LINC00632: variants seen among roughly 807,000 people sequenced by gnomAD.
LINC00632 encodes the protein long independently transcribed non-coding RNA 632, also known as ALDOA related specific transcript.
At chrX:140,769,952 C>G (rs1488807571) in intron 3 of LINC00632, among the ~76,000 whole-genome samples, 1 of 111,808 alleles carries the variant, frequency 8.9e-6, no homozygotes, top group East Asian at 2.8e-4. Flanking sequence ...CAGTTACCGT[C>G]AAGGCATTCC....
At chrX:140,760,298 G>A (rs968763474) in intron 3 of LINC00632, among the ~76,000 whole-genome samples, 1 of 111,787 alleles carries the variant, frequency 8.9e-6, no homozygotes, top group Non-Finnish European at 1.9e-5. Flanking sequence ...AGAAAATGCC[G>A]AGTGCCCTAC....
At chrX:140,743,983 G>A (rs1931283015) in intron 3 of LINC00632, among the ~76,000 whole-genome samples, 1 of 111,828 alleles carries the variant, frequency 8.9e-6, no homozygotes, top group Non-Finnish European at 1.9e-5. Context: ...GCTGTTTCCT[G>A]GCTAAAATGA....
chrX:140,715,655 A>C (rs1203220944), intron 2 of LINC00632, among the ~76,000 whole-genome samples: 1 of 111,709 alleles, frequency 9.0e-6, no homozygotes, highest in African/African-American at 3.3e-5. Context: ...CACTTCTTAT[A>C]GTGCCTATAC....
chrX:140,754,853 G>T lies in LINC00632; in HGVS notation n.192-17225G>T, dbSNP rs1014265880. Among the ~76,000 whole-genome samples, 4 of 104,691 alleles carry T rather than the reference G, an allele frequency of 3.8e-5. No homozygotes were observed. In the East Asian group the frequency reaches 1.3e-3, roughly 34 times the overall value. 90.9% of individuals were successfully genotyped at this position (104,691 alleles called of 115,157 possible). ...GATAGCATAGGCTGTTTTTTTTTTA[G>T]CCTCACCCTCAAATTTTGGGGTTCA... is the stretch of plus-strand genomic sequence containing the variant. On this transcript the variant is annotated intron_variant and non_coding_transcript_variant, in intron 3 of 4. Transcript: ENST00000648200.
chrX:140,752,865 A>G (rs1000535176), intron 3 of LINC00632, among the ~76,000 whole-genome samples: 19 of 111,576 alleles, frequency 1.7e-4, no homozygotes, highest in African/African-American at 5.9e-4. Flanking sequence ...CCCTTTAGCC[A>G]TCTCATGCTT....
exon 5 of LINC00632, among the ~76,000 whole-genome samples, chrX:140,788,865 T>C (rs951990006): frequency 1.2e-5 from 1 of 83,910 alleles, no homozygotes; most frequent in Non-Finnish European, 2.6e-5. Flanking sequence ...CATATATGCA[T>C]ATTCCATATA....
intron 3 of LINC00632, among the ~76,000 whole-genome samples, chrX:140,743,720 T>G (rs1331759856): frequency 9.0e-6 from 1 of 111,532 alleles, no homozygotes; most frequent in Non-Finnish European, 1.9e-5. Flanking sequence ...TACAAGCACG[T>G]GACCCTGCGA....
intron 2 of LINC00632, among the ~76,000 whole-genome samples, chrX:140,723,572 A>G (rs1930791981): frequency 7.8e-5 from 2 of 25,576 alleles, no homozygotes; most frequent in Non-Finnish European, 1.6e-4. Flanking sequence ...CACACATTCC[A>G]TACACACACA....
At chrX:140,780,540 TAATC>T (rs753975816) in exon 5 of LINC00632, among the ~76,000 whole-genome samples, 2 of 111,707 alleles carry the variant, frequency 1.8e-5, no homozygotes, top group Admixed American at 1.9e-4. Flanking sequence ...CTCTAGAAAA[TAATC>T]CATCCACTTG....
At chrX:140,769,950 G>A (rs1395780030) in intron 3 of LINC00632, among the ~76,000 whole-genome samples, 9 of 111,615 alleles carry the variant, frequency 8.1e-5, no homozygotes. Context: ...TCCAGTTACC[G>A]TCAAGGCATT....
chrX:140,718,238 ATTG>A (rs756006771), intron 2 of LINC00632, among the ~76,000 whole-genome samples: 3 of 111,074 alleles, frequency 2.7e-5, no homozygotes, highest in Non-Finnish European at 5.7e-5. Flanking sequence ...TCAGGTTGTC[ATTG>A]TTGTCATTAC....
intron 3 of LINC00632, among the ~76,000 whole-genome samples, chrX:140,742,785 C>G (rs1467817452): frequency 9.8e-6 from 1 of 102,067 alleles, no homozygotes; most frequent in Non-Finnish European, 2.0e-5. Context: ...TGACAAAACA[C>G]TCGGTGAATA....
intron 3 of LINC00632, among the ~76,000 whole-genome samples, chrX:140,755,167 A>G (rs1279505218): frequency 8.9e-6 from 1 of 111,994 alleles, no homozygotes; most frequent in Admixed American, 9.5e-5. Flanking sequence ...ACTTCCTGAC[A>G]CTACAGGTGC....
intron 3 of LINC00632, among the ~76,000 whole-genome samples, chrX:140,746,762 G>A (rs1679246997): frequency 8.9e-6 from 1 of 112,183 alleles, no homozygotes; most frequent in African/African-American, 3.2e-5. Flanking sequence ...CTTGCTGGGA[G>A]CAACTAATGA....
At chrX:140,742,522 A>G in intron 3 of LINC00632, among the ~76,000 whole-genome samples, 1 of 111,283 alleles carries the variant, frequency 9.0e-6, no homozygotes, top group Non-Finnish European at 1.9e-5. Flanking sequence ...GCATCCCCCC[A>G]GGTAGATCCA....
intron 3 of LINC00632, among the ~76,000 whole-genome samples, chrX:140,756,556 T>C (rs1931497451): frequency 8.9e-6 from 1 of 111,740 alleles, no homozygotes. Context: ...AAGAGAAAAG[T>C]AGATGCAACC....
At chrX:140,727,849 C>T (rs1403030995) in intron 2 of LINC00632, among the ~76,000 whole-genome samples, 6 of 111,783 alleles carry the variant, frequency 5.4e-5, no homozygotes, top group African/African-American at 1.3e-4. Flanking sequence ...CAATACACAG[C>T]CTCACTCTAC....
intron 2 of LINC00632, chrX:140,713,895 C>T (rs766313107): frequency 6.1e-5 from 17 of 276,775 alleles, no homozygotes; most frequent in South Asian, 5.7e-4. Flanking sequence ...ACTGTTCCCA[C>T]ATCACACGAA....
chrX:140,775,167 T>C (rs1336770280), exon 5 of LINC00632, among the ~76,000 whole-genome samples: 1 of 111,946 alleles, frequency 8.9e-6, no homozygotes, highest in Admixed American at 9.5e-5. Context: ...TCCTCAGTGA[T>C]TTGAAGAATT....
Sources: gnomAD v4.1 joint callset for allele counts (sites outside exome capture counted in the v4.1 genomes callset) on GRCh38, gnomAD v4.1.1 for gene constraint, MANE v1.5 for transcripts, NCBI Gene and HGNC (gene_info 2026-07-23, HGNC 2026-07-21) for gene names.